PARP3: variants seen among roughly 807,000 people sequenced by gnomAD.
PARP3 encodes poly(ADP-ribose) polymerase family member 3, also known as protein mono-ADP-ribosyltransferase PARP3.
In PARP3, 46 loss-of-function variants were observed where a neutral mutation model predicts 58.2. The observed-to-expected ratio is 0.79, with a 90% CI of 0.62 to 1.01. The LOEUF is 1.01. PARP3 is among the 50% of genes least tolerant of loss of function. The pLI, the probability that PARP3 is intolerant of heterozygous loss-of-function variation, is 0.00. For missense variants in PARP3, 663 were observed against 683.9 expected, an observed-to-expected ratio of 0.97 and a Z score of 0.34; for synonymous variants, 252 against 266.4, an observed-to-expected ratio of 0.95 and a Z score of 0.53.
chr3:51,944,379 G>A lies in PARP3; in HGVS notation c.313-11G>A, dbSNP rs369999115. On this transcript the variant is annotated splice_polypyrimidine_tract_variant and intron_variant, in intron 3 of 10. Transcript: ENST00000398755. This position sits in a 1 kb window ranked among gnomAD's most constrained non-coding sequence, Gnocchi z 4.2. The stretch of plus-strand genomic sequence containing the variant: ...GATGGTGGGCATACCCCTGAAGGCT[G>A]TCGGTTGCAGGGAGAGGTCGGCCAG... The A allele has an allele frequency of 1.2e-6, 2 of 1,613,354 alleles. No homozygotes were observed. Among genetic ancestry groups the A allele is most frequent in the African/African-American group, 1.3e-5 (1 of 74,932 alleles).
Position 51,948,516 on chromosome 3 carries a change from G to A in PARP3, c.*36G>A. ...TGTCCCCCGGGGTCCTGCAAGGCTG[G>A]ACTGTGATCTTCAATCATCCTGCCC... On this transcript the variant is annotated 3_prime_UTR_variant, in exon 11 of 11. Transcript: ENST00000398755. 4 of 1,594,920 alleles carry A rather than the reference G, an allele frequency of 2.5e-6. No individual in the cohort carries two copies. The East Asian group carries it at 8.9e-5, about 36-fold the overall frequency.
rs1490907151 is a variant in PARP3, at chr3:51,948,653, T to C, written c.*173T>C. 1 of 611,520 alleles carries C rather than the reference T, an allele frequency of 1.6e-6. No individual in the cohort carries two copies. Among genetic ancestry groups the C allele is most frequent in the African/African-American group, 1.9e-5 (1 of 53,428 alleles). 37.9% of individuals were successfully genotyped at this position (611,520 alleles called of 1,614,324 possible). On this transcript the variant is annotated 3_prime_UTR_variant, in exon 11 of 11. Coordinates refer to ENST00000398755, the MANE Select transcript of PARP3 (RefSeq NM_001003931.4). Reference sequence around the variant, plus strand: ...GAACTTATGCCTCCTAACTGAAATTTTGTATTCTTTGACACATCTGCCCAG... The same window carrying C: ...GAACTTATGCCTCCTAACTGAAATTCTGTATTCTTTGACACATCTGCCCAG...
chr3:51,948,631 C>T lies in PARP3; in HGVS notation c.*151C>T. 1.5e-6 allele frequency: 1 copy of T among 679,954 alleles called. No homozygotes were observed. The highest frequency in any genetic ancestry group is 2.9e-5 in the East Asian group (1 of 34,588). The allele number at this position is 679,954 out of a possible 1,614,324, so 42.1% of individuals were successfully genotyped here. On this transcript the variant is annotated 3_prime_UTR_variant, in exon 11 of 11. Transcript: ENST00000398755. ...CACCATGCTGTACAAGATCCCTGAA[C>T]TTATGCCTCCTAACTGAAATTTTGT...
intron 7 of PARP3, 58 bp from the exon 8 acceptor site, chr3:51,945,795 A>G: frequency 6.5e-7 from 1 of 1,550,188 alleles, no homozygotes; most frequent in Non-Finnish European, 8.9e-7. Flanking sequence ...GGGAAGAAAA[A>G]TGGGGGATTA....
rs745948325 is a variant in PARP3, at chr3:51,944,745, C to A, written c.502-33C>A. 4 of 1,590,524 alleles carry A rather than the reference C, an allele frequency of 2.5e-6. No homozygotes were observed. Among genetic ancestry groups the A allele is most frequent in the Non-Finnish European group, 3.4e-6 (4 of 1,167,842 alleles). ...CTGTCTGGTGTCACGCCCTGCCCCGCTGCTCCTGCCCACATGTGCCCTCTA... is the reference window on the plus strand; with the variant it reads ...CTGTCTGGTGTCACGCCCTGCCCCGATGCTCCTGCCCACATGTGCCCTCTA... On this transcript the variant is annotated intron_variant, in intron 4 of 10. Transcript: ENST00000398755. This position sits in a 1 kb window ranked among gnomAD's most constrained non-coding sequence, Gnocchi z 4.2.
chr3:51,948,499 G>C lies in PARP3; in HGVS notation c.*19G>C, dbSNP rs55993648. On this transcript the variant is annotated 3_prime_UTR_variant, in exon 11 of 11. Coordinates refer to ENST00000398755, the MANE Select transcript of PARP3 (RefSeq NM_001003931.4). Reference sequence around the variant, plus strand: ...CCTCTGAGTGCCCGCCCTGTCCCCCGGGGTCCTGCAAGGCTGGACTGTGAT... The same window carrying C: ...CCTCTGAGTGCCCGCCCTGTCCCCCCGGGTCCTGCAAGGCTGGACTGTGAT... 1 of 1,611,522 alleles carries C rather than the reference G, an allele frequency of 6.2e-7. No individual in the cohort carries two copies. Among genetic ancestry groups the C allele is most frequent in the Admixed American group, 1.7e-5 (1 of 59,924 alleles).
At position 51,945,619 on chromosome 3, in the gene PARP3, T is replaced by C. The variant is rs562757156; in HGVS notation, c.986T>C (p.Leu329Pro). 1.6e-5 allele frequency: 26 copies of C among 1,613,946 alleles called. No homozygotes were observed. The highest frequency in any genetic ancestry group is 3.3e-5 in the Admixed American group (2 of 60,030). The stretch of plus-strand genomic sequence containing the variant: ...CTTCTCAAGTGCCAGCTGCAGCTGC[T>C]AGACTCTGGAGCACCTGAGTACAAG... The part of the protein sequence containing the change: ...YQLLKCQLQL[L>P]DSGAPEYKVI... Residue 329 changes from leucine (L) to proline (P), a missense_variant, in exon 7 of 11, where the codon CTA becomes CCA. By Grantham distance (98) the Leu-to-Pro change is moderately conservative. Coordinates refer to ENST00000398755, the MANE Select transcript of PARP3 (RefSeq NM_001003931.4).
rs1167584533 is a variant in PARP3 at position 51,944,467 on chromosome 3, G to A, written c.390G>A (p.Arg130=). Residue 130 remains arginine (R), a synonymous_variant, in exon 4 of 11, where the codon CGG becomes CGA. Transcript: ENST00000398755. The surrounding 1 kb of genome is among the most constrained non-coding windows in gnomAD (Gnocchi z 4.2). ...AGAAGGACTTTGAGAAGAAATTTCG[G>A]GAAAAGACCAAGAACAACTGGGCAG... ...DAKKDFEKKF[R]EKTKNNWAER... 5 of 1,614,156 alleles carry A rather than the reference G, an allele frequency of 3.1e-6. No homozygotes were observed. Among genetic ancestry groups the A allele is most frequent in the African/African-American group, 1.3e-5 (1 of 75,046 alleles).
chr3:51,948,504 C>T lies in PARP3; in HGVS notation c.*24C>T, dbSNP rs896896322. 6.2e-7 allele frequency: 1 copy of T among 1,610,040 alleles called. No homozygotes were observed. The highest frequency in any genetic ancestry group is 1.3e-5 in the African/African-American group (1 of 74,888). Reference sequence around the variant, plus strand: ...GAGTGCCCGCCCTGTCCCCCGGGGTCCTGCAAGGCTGGACTGTGATCTTCA... The same window carrying T: ...GAGTGCCCGCCCTGTCCCCCGGGGTTCTGCAAGGCTGGACTGTGATCTTCA... On this transcript the variant is annotated 3_prime_UTR_variant, in exon 11 of 11. Coordinates refer to ENST00000398755, the MANE Select transcript of PARP3 (RefSeq NM_001003931.4).
chr3:51,945,962 T>C, intron 8 of PARP3, 23 bp downstream of exon 8: 1 of 1,577,116 alleles, frequency 6.3e-7, no homozygotes, highest in Non-Finnish European at 8.7e-7. Context: ...CCCCCACCTC[T>C]CCCCCATCAC....
chr3:51,944,993 C>G lies in PARP3; in HGVS notation c.635-5C>G. The G allele has an allele frequency of 6.2e-7, 1 of 1,613,682 alleles. No homozygotes were observed. The highest frequency in any genetic ancestry group is 1.1e-5 in the South Asian group (1 of 91,070). ...CTGAGTCTCCCCACTCCCCTGTCCC[C>G]CTAGATGTGAAGAAGATGCCCCTGG... On this transcript the variant is annotated splice_region_variant and splice_polypyrimidine_tract_variant and intron_variant, in intron 5 of 10. Coordinates refer to ENST00000398755, the MANE Select transcript of PARP3 (RefSeq NM_001003931.4). This position sits in a 1 kb window ranked among gnomAD's most constrained non-coding sequence, Gnocchi z 4.2.
intron 1 of PARP3, 71 bp from the exon 2 acceptor site, chr3:51,943,283 G>T: frequency 7.1e-7 from 1 of 1,416,708 alleles, no homozygotes. Flanking sequence ...GGCAGGGGTG[G>T]GGACTGAGAG....
intron 9 of PARP3, 185 bp from the exon 10 acceptor site, chr3:51,947,555 A>G (rs1188711860): frequency 3.1e-6 from 2 of 635,956 alleles, no homozygotes; most frequent in African/African-American, 3.7e-5. Context: ...ATGCCTGGCC[A>G]TAGGGAGCAC....
Position 51,943,431 on chromosome 3 carries a change from G to A in PARP3, c.76G>A (p.Glu26Lys), listed in dbSNP as rs1387637076. The change falls in exon 2 of 11, where the codon GAG becomes AAG. Residue 26 changes from glutamate (E) to lysine (K), a missense_variant. Coordinates refer to ENST00000398755, the MANE Select transcript of PARP3 (RefSeq NM_001003931.4). The part of the protein sequence containing the change: ...KKKGRQAGRE[E>K]DPFRSTAEAL... ...GAAGGGCCGGCAGGCAGGAAGGGAG[G>A]AGGACCCCTTCCGCTCCACCGCTGA... 3 of 1,607,250 alleles carry A rather than the reference G, an allele frequency of 1.9e-6. No individual in the cohort carries two copies. Among genetic ancestry groups the A allele is most frequent in the Non-Finnish European group, 1.7e-6 (2 of 1,177,442 alleles).
In PARP3 at chr3:51,944,271, G is replaced by C; in HGVS notation, c.312+54G>C. The C allele has an allele frequency of 6.2e-7, 1 of 1,611,304 alleles. No individual in the cohort carries two copies. The highest frequency in any genetic ancestry group is 8.5e-7 in the Non-Finnish European group (1 of 1,178,346). ...TCCCCAGGGTCCTCAAAAGGCCACA[G>C]CTACTGACTTGGGGGGGCACCTCCC... On this transcript the variant is annotated intron_variant, in intron 3 of 10. Transcript: ENST00000398755. The surrounding 1 kb of genome is among the most constrained non-coding windows in gnomAD (Gnocchi z 4.2).
At position 51,944,606 on chromosome 3, in the gene PARP3, C is replaced by T. The variant is rs1423950151; in HGVS notation, c.501+28C>T. On this transcript the variant is annotated intron_variant, in intron 4 of 10. Coordinates refer to ENST00000398755, the MANE Select transcript of PARP3 (RefSeq NM_001003931.4). This position sits in a 1 kb window ranked among gnomAD's most constrained non-coding sequence, Gnocchi z 4.2. ...GAGATGGCCAAGGAAGGTGGGCAGG[C>T]CCTGGACTGAGGGAGGGGACTCGTT... 6.2e-7 allele frequency: 1 copy of T among 1,609,204 alleles called. No homozygotes were observed. The highest frequency in any genetic ancestry group is 1.1e-5 in the South Asian group (1 of 90,888).
rs1377429038 is a variant in PARP3 at position 51,945,958 on chromosome 3, CCT to C, written c.1098+23_1098+24del. ...AGGGGAGGTGAGGGAGGTTCCCCCA[CCT>C]CTCCCCCATCACCACTGTGCCTTAG... On this transcript the variant is annotated intron_variant, in intron 8 of 10. Coordinates refer to ENST00000398755, the MANE Select transcript of PARP3 (RefSeq NM_001003931.4). 23 of 1,596,410 alleles carry C rather than the reference CCT, an allele frequency of 1.4e-5. No homozygotes were observed. The highest frequency in any genetic ancestry group is 2.0e-5 in the Non-Finnish European group (23 of 1,164,248).
Position 51,942,647 on chromosome 3 carries a change from G to A in PARP3, c.-64G>A, listed in dbSNP as rs1013782484. On this transcript the variant is annotated 5_prime_UTR_variant, in exon 1 of 11. Transcript: ENST00000398755. ...GTTGCTAGACCTGGGACTGCCCTGG[G>A]AGGCGCACACAACCAGGCCGGGTGG... The A allele has an allele frequency of 2.6e-6, 3 of 1,138,150 alleles. No individual in the cohort carries two copies. The African/African-American group carries it at 4.6e-5, about 17-fold the overall frequency. The allele number at this position is 1,138,150 out of a possible 1,614,324, so 70.5% of individuals were successfully genotyped here.
At chr3:51,948,005 C>A in intron 10 of PARP3, 110 bp downstream of exon 10, 3 of 1,094,678 alleles carry the variant, frequency 2.7e-6, no homozygotes, top group Non-Finnish European at 4.0e-6. Flanking sequence ...GCTTCCCTGT[C>A]GTCACTCAGT....
Sources: gnomAD v4.1 joint callset for allele counts on GRCh38, gnomAD v4.1.1 for gene constraint, Gnocchi (gnomAD v3.1) non-coding constraint, MANE v1.5 for transcripts, NCBI Gene and HGNC (gene_info 2026-07-23, HGNC 2026-07-21) for gene names.